The following CNTN3 variants were observed in gnomAD, a reference collection of about 807,000 sequenced individuals.
The protein encoded by CNTN3 is contactin-3.
A neutral mutation model predicts 119.1 loss-of-function variants in CNTN3; 60 were observed. The ratio of observed to expected loss-of-function variants is 0.50; its 90% CI spans 0.41 to 0.62. The LOEUF (loss-of-function observed/expected upper bound fraction) is 0.62. CNTN3 is among the 20% of genes least tolerant of loss of function. The pLI, the probability that CNTN3 is intolerant of heterozygous loss-of-function variation, is 0.00. For missense variants in CNTN3, 1,101 were observed against 1,242.4 expected (o/e 0.89, Z 1.71); for synonymous variants, 450 against 438.7 (o/e 1.03, Z -0.32).
intron 5 of CNTN3, among the ~76,000 whole-genome samples, chr3:74,381,060 T>G (rs1042654224): frequency 6.6e-6 from 1 of 151,242 alleles, no homozygotes; most frequent in Non-Finnish European, 1.5e-5. Flanking sequence ...ATTGTTTTTT[T>G]TTTTCTCTCT....
intron 4 of CNTN3, among the ~76,000 whole-genome samples, chr3:74,437,969 T>A (rs1575724991): frequency 6.6e-6 from 1 of 152,180 alleles, no homozygotes; most frequent in East Asian, 1.9e-4. Flanking sequence ...TTACACAATA[T>A]CATATTTAAA....
intron 5 of CNTN3, among the ~76,000 whole-genome samples, chr3:74,385,079 G>A (rs557575121): frequency 6.4e-4 from 98 of 152,222 alleles, no homozygotes; most frequent in African/African-American, 2.2e-3. Context: ...TCTGTCACTC[G>A]TAGACACTTA....
chr3:74,458,448 T>C (rs942416688), intron 4 of CNTN3, among the ~76,000 whole-genome samples: 7 of 151,956 alleles, frequency 4.6e-5, no homozygotes, highest in Non-Finnish European at 7.4e-5. Context: ...GTGAAAATTA[T>C]ATGAAACAAA....
intron 19 of CNTN3, 90 bp from the exon 20 acceptor site, chr3:74,285,581 T>C (rs1201415380): frequency 1.5e-6 from 2 of 1,309,830 alleles, no homozygotes; most frequent in Non-Finnish European, 2.1e-6. Flanking sequence ...CACTGACTTA[T>C]TTCCTGATTT....
At chr3:74,336,410 G>A in intron 12 of CNTN3, 121 bp downstream of exon 12, 2 of 1,043,822 alleles carry the variant, frequency 1.9e-6, no homozygotes, top group Non-Finnish European at 2.8e-6. Context: ...TAACATAAGT[G>A]CAAATACAGG....
chr3:74,414,178 G>T (rs1701483159), intron 5 of CNTN3, among the ~76,000 whole-genome samples: 1 of 152,124 alleles, frequency 6.6e-6, no homozygotes, highest in Non-Finnish European at 1.5e-5. Flanking sequence ...TGCTCTCCAA[G>T]ACAGCATTTT....
chr3:74,515,756 G>C (rs1703439554), intron 2 of CNTN3, among the ~76,000 whole-genome samples: 1 of 152,008 alleles, frequency 6.6e-6, no homozygotes, highest in African/African-American at 2.4e-5. Context: ...AGTTTTGTTT[G>C]ACTTAGAAGC....
intron 20 of CNTN3, among the ~76,000 whole-genome samples, chr3:74,269,211 A>G (rs772672589): frequency 2.0e-5 from 3 of 152,098 alleles, no homozygotes; most frequent in Admixed American, 6.6e-5. Flanking sequence ...TTAAACATCT[A>G]TTTTACCTTC....
chr3:74,563,104 A>G (rs1704177131), intron 1 of CNTN3, among the ~76,000 whole-genome samples: 1 of 152,164 alleles, frequency 6.6e-6, no homozygotes, highest in South Asian at 2.1e-4. Flanking sequence ...GGCTTTAAAC[A>G]GCATTCCCAC....
intron 1 of CNTN3, among the ~76,000 whole-genome samples, chr3:74,605,579 G>A (rs574455301): frequency 9.6e-4 from 146 of 152,206 alleles, no homozygotes; most frequent in African/African-American, 3.3e-3. Context: ...GGAGCCATTC[G>A]AGTAACATAA....
intron 1 of CNTN3, among the ~76,000 whole-genome samples, chr3:74,553,216 G>C (rs1179225785): frequency 6.6e-6 from 1 of 151,848 alleles, no homozygotes; most frequent in Non-Finnish European, 1.5e-5. Flanking sequence ...ATAGTTTGCT[G>C]AGAATGATGG....
At chr3:74,403,714 TG>T (rs991914450) in intron 5 of CNTN3, among the ~76,000 whole-genome samples, 33 of 152,180 alleles carry the variant, frequency 2.2e-4, no homozygotes, top group African/African-American at 8.0e-4. Context: ...CTATTCAAAG[TG>T]ATCATGAAAC....
chr3:74,460,690 G>A (rs962380559), intron 4 of CNTN3, among the ~76,000 whole-genome samples: 1 of 144,860 alleles, frequency 6.9e-6, no homozygotes, highest in Non-Finnish European at 1.5e-5. Context: ...AGATTCCTTG[G>A]GATTTTACAG....
At position 74,614,574 on chromosome 3, in the gene CNTN3, C is replaced by G. The variant is rs956387105; in HGVS notation, c.-264G>C. ...CGTCCGCACGGTTCCCGGCCCAGTC[C>G]ACGGCGCCAGCCCGCCCGCCGCTGC... On this transcript the variant is annotated 5_prime_UTR_variant, in exon 1 of 23. Coordinates refer to ENST00000263665, the MANE Select transcript of CNTN3 (RefSeq NM_020872.3). 6.8e-6 allele frequency among the ~76,000 whole-genome samples: 1 copy of G among 148,102 alleles called. No individual in the cohort carries two copies.
chr3:74,266,226 GA>G (rs930595109), intron 22 of CNTN3, among the ~76,000 whole-genome samples: 1 of 151,636 alleles, frequency 6.6e-6, no homozygotes. Flanking sequence ...TCAGAATAAG[GA>G]AAAAAAATCA....
chr3:74,537,586 G>T (rs1227295504), intron 1 of CNTN3, among the ~76,000 whole-genome samples: 3 of 151,992 alleles, frequency 2.0e-5, no homozygotes, highest in Non-Finnish European at 4.4e-5. Flanking sequence ...TTTTTAACTT[G>T]GTTTTATTTT....
At chr3:74,489,760 G>A (rs1702928578) in intron 3 of CNTN3, among the ~76,000 whole-genome samples, 1 of 151,936 alleles carries the variant, frequency 6.6e-6, no homozygotes, top group African/African-American at 2.4e-5. Context: ...GCATGACCAT[G>A]GAAAATTACC....
intron 1 of CNTN3, among the ~76,000 whole-genome samples, chr3:74,590,458 A>C (rs1007037079): frequency 6.6e-6 from 1 of 152,016 alleles, no homozygotes; most frequent in African/African-American, 2.4e-5. Flanking sequence ...GTGGTGAATG[A>C]ATGTACAACA....
chr3:74,284,943 A>T (rs1217444995), intron 20 of CNTN3, among the ~76,000 whole-genome samples: 1 of 152,238 alleles, frequency 6.6e-6, no homozygotes. Context: ...ATTCTTCGGC[A>T]TTAATTTTAA....
Sources: gnomAD v4.1 joint callset for allele counts (sites outside exome capture counted in the v4.1 genomes callset) on GRCh38, gnomAD v4.1.1 for gene constraint, MANE v1.5 for transcripts, NCBI Gene and HGNC (gene_info 2026-07-23, HGNC 2026-07-21) for gene names.